Variants in THAP1 observed in about 807,000 individuals in gnomAD.
THAP1 encodes THAP domain containing 1, also known as THAP domain-containing protein 1.
A neutral mutation model predicts 18.2 loss-of-function variants in THAP1; 6 were observed. That is an observed-to-expected ratio of 0.33 (90% confidence interval 0.18 to 0.65). The LOEUF (loss-of-function observed/expected upper bound fraction) is 0.65, where lower values mean the gene tolerates loss of function less well. Ranked by LOEUF, THAP1 falls within the 30% of genes least tolerant of loss-of-function variation. THAP1 has a pLI of 0.74. For missense variants in THAP1, 176 were observed against 253.0 expected (o/e 0.70, Z 2.06); for synonymous variants, 85 against 90.5 (o/e 0.94, Z 0.34).
chr8:42,837,849 G>C lies in THAP1; in HGVS notation c.*113C>G. On this transcript the variant is annotated 3_prime_UTR_variant, in exon 3 of 3. Transcript: ENST00000254250. ...AGAATTTTTTTTAAAAAAATATTCT[G>C]AACTGTTTTTATATAAGTAATCAAA... 8.5e-7 allele frequency: 1 copy of C among 1,174,238 alleles called. No individual in the cohort carries two copies. The highest frequency in any genetic ancestry group is 1.8e-5 in the South Asian group (1 of 56,988). The allele number at this position is 1,174,238 out of a possible 1,614,324, so 72.7% of individuals were successfully genotyped here.
At position 42,837,907 on chromosome 8, in the gene THAP1, C is replaced by G; in HGVS notation, c.*55G>C. The G allele has an allele frequency of 6.3e-7, 1 of 1,582,258 alleles. No homozygotes were observed. The highest frequency in any genetic ancestry group is 8.6e-7 in the Non-Finnish European group (1 of 1,162,060). ...TTTTTAAATGAAACTCCTTTACAGG[C>G]TAGAGGAGGATATGTGGTATTGCCC... On this transcript the variant is annotated 3_prime_UTR_variant, in exon 3 of 3. Transcript: ENST00000254250.
chr8:42,839,456 G>T, intron 1 of THAP1, 75 bp from the exon 2 acceptor site: 2 of 1,450,968 alleles, frequency 1.4e-6, no homozygotes. Flanking sequence ...TTCCAGCTTA[G>T]GAAATATCTT....
At chr8:42,838,711 A>ATAG (rs1159855660) in intron 2 of THAP1, among the ~76,000 whole-genome samples, 4 of 152,154 alleles carry the variant, frequency 2.6e-5, no homozygotes, top group African/African-American at 9.7e-5. Flanking sequence ...ATAAATAATA[A>ATAG]AAGAATCTGT....
intron 2 of THAP1, among the ~76,000 whole-genome samples, chr8:42,838,771 T>C (rs1802662650): frequency 6.6e-6 from 1 of 152,104 alleles, no homozygotes; most frequent in Admixed American, 6.6e-5. Flanking sequence ...TATAGAAACA[T>C]TCCAAAATGA....
At chr8:42,839,698 C>T (rs1453669727) in intron 1 of THAP1, among the ~76,000 whole-genome samples, 1 of 152,168 alleles carries the variant, frequency 6.6e-6, no homozygotes, top group African/African-American at 2.4e-5. Flanking sequence ...AGGCGTGCGC[C>T]ACCACGCCCA....
intron 1 of THAP1, among the ~76,000 whole-genome samples, chr8:42,839,998 A>C (rs1192723635): frequency 6.6e-6 from 1 of 152,172 alleles, no homozygotes; most frequent in African/African-American, 2.4e-5. Flanking sequence ...AGAGTTCGAG[A>C]CTAGCCTGGG....
chr8:42,842,875 C>G, intron 1 of THAP1, 149 bp downstream of exon 1: 7 of 520,374 alleles, frequency 1.3e-5, no homozygotes, highest in Non-Finnish European at 1.8e-5. Context: ...CGGTTCCCAG[C>G]GGGACGCGGT....
intron 1 of THAP1, among the ~76,000 whole-genome samples, chr8:42,841,294 C>CTTTTTTT (rs775435611): frequency 4.2e-4 from 40 of 95,950 alleles, no homozygotes; most frequent in African/African-American, 6.6e-4. Context: ...ACAGTTGTAT[C>CTTTTTTT]TTTTTTTTTT....
rs71521601 is a variant in THAP1, at chr8:42,842,898, A to G, written c.71+126T>C. The G allele has an allele frequency of 0.083, 59,777 of 723,708 alleles. 3,900 individuals are homozygous for G. Among genetic ancestry groups the G allele is most frequent in the African/African-American group, 0.26 (13,316 of 51,244 alleles). The allele number at this position is 723,708 out of a possible 1,614,324, so 44.8% of individuals were successfully genotyped here. On this transcript the variant is annotated intron_variant, in intron 1 of 2. Transcript: ENST00000254250. Reference sequence around the variant, plus strand: ...AGCGGGACGCGGTGGGAAACGCCCGACACGGCCGGCCCCAGACCCCACCCG... The same window carrying G: ...AGCGGGACGCGGTGGGAAACGCCCGGCACGGCCGGCCCCAGACCCCACCCG...
chr8:42,837,976 C>T lies in THAP1; in HGVS notation c.628G>A (p.Glu210Lys). 6.2e-7 allele frequency: 1 copy of T among 1,613,292 alleles called. No individual in the cohort carries two copies. The highest frequency in any genetic ancestry group is 8.5e-7 in the Non-Finnish European group (1 of 1,180,010). ...ATTTCATTTTTTTATGCTGGTACTT[C>T]AACTATTTCAAAGTAGTCATTTGGT... ...ILPNDYFEIV[E>K]VPA The change falls in exon 3 of 3, where the codon GAA (glutamate) becomes AAA (lysine). Residue 210 changes from glutamate (E) to lysine (K), a missense_variant. Physicochemically the swap from Glu to Lys is moderately conservative, Grantham distance 56. Transcript: ENST00000254250.
At position 42,836,767 on chromosome 8, in the gene THAP1, T is replaced by C. The variant is rs1485966126; in HGVS notation, c.*1195A>G. Reference sequence around the variant, plus strand: ...TGAAATATAAAAGTAATAATTATCATTGGAACAGTTATTCTAAATCTAAAA... The same window carrying C: ...TGAAATATAAAAGTAATAATTATCACTGGAACAGTTATTCTAAATCTAAAA... On this transcript the variant is annotated 3_prime_UTR_variant, in exon 3 of 3. Coordinates refer to ENST00000254250, the MANE Select transcript of THAP1 (RefSeq NM_018105.3). 1 of 152,648 alleles carries C rather than the reference T, an allele frequency of 6.6e-6. No individual in the cohort carries two copies. Among genetic ancestry groups the C allele is most frequent in the East Asian group, 1.9e-4 (1 of 5,202 alleles). The allele number at this position is 152,648 out of a possible 1,614,324, so 9.5% of individuals were successfully genotyped here. A position where few individuals can be genotyped will look rare whatever the true frequency, so the allele number is the denominator to read the frequency against.
At position 42,840,708 on chromosome 8, in the gene THAP1, C is replaced by A. The variant is rs544840638; in HGVS notation, c.72-1327G>T. ...GGGCTGGGCATGGCCTGTAATCAGG[C>A]CTGTAATCCCAGCACTTTGGGAGGC... is the stretch of plus-strand genomic sequence containing the variant. On this transcript the variant is annotated intron_variant, in intron 1 of 2. Transcript: ENST00000254250. Among the ~76,000 whole-genome samples, 111 of 152,272 alleles carry A rather than the reference C, an allele frequency of 7.3e-4. 1 individual carries two copies. Among genetic ancestry groups the A allele is most frequent in the African/African-American group, 2.4e-3 (98 of 41,558 alleles).
At chr8:42,839,450 A>G in intron 1 of THAP1, 69 bp from the exon 2 acceptor site, 3 of 1,505,698 alleles carry the variant, frequency 2.0e-6, no homozygotes, top group Non-Finnish European at 2.8e-6. Context: ...CAAACTTTCC[A>G]GCTTAGGAAA....
Position 42,837,705 on chromosome 8 carries a change from A to G in THAP1, c.*257T>C, listed in dbSNP as rs1802640588. On this transcript the variant is annotated 3_prime_UTR_variant, in exon 3 of 3. Transcript: ENST00000254250. ...CTAAAAAAAAACCCCAAAATCCCCA[A>G]TCTTGAAACCAACTTACATTAGAGG... is the stretch of plus-strand genomic sequence containing the variant. The G allele has an allele frequency of 1.2e-5, 3 of 255,226 alleles. No individual in the cohort carries two copies. The Admixed American group carries it at 1.6e-4, about 14-fold the overall frequency. The allele number at this position is 255,226 out of a possible 1,614,324, so 15.8% of individuals were successfully genotyped here. A position where few individuals can be genotyped will look rare whatever the true frequency, so the allele number is the denominator to read the frequency against.
Position 42,843,189 on chromosome 8 carries a change from T to G in THAP1, c.-95A>C. The G allele has an allele frequency of 6.7e-7, 1 of 1,492,674 alleles. No individual in the cohort carries two copies. The highest frequency in any genetic ancestry group is 9.3e-7 in the Non-Finnish European group (1 of 1,074,456). The allele number at this position is 1,492,674 out of a possible 1,614,324, so 92.5% of individuals were successfully genotyped here. ...CGCTCGGTTGGATTCCCTCGCTTCT[T>G]TTGTAGCTTTGGCCAACAGTTACAG... On this transcript the variant is annotated 5_prime_UTR_variant, in exon 1 of 3. Transcript: ENST00000254250.
intron 1 of THAP1, among the ~76,000 whole-genome samples, chr8:42,842,083 T>G (rs376448985): frequency 2.0e-5 from 3 of 152,382 alleles, no homozygotes; most frequent in South Asian, 4.1e-4. Context: ...CTAATCTGTA[T>G]AGTTTACCCC....
rs753670048 is a variant in THAP1, at chr8:42,843,100, C to T, written c.-6G>A. 7 of 1,613,536 alleles carry T rather than the reference C, an allele frequency of 4.3e-6. No homozygotes were observed. Among genetic ancestry groups the T allele is most frequent in the African/African-American group, 1.3e-5 (1 of 74,926 alleles). ...GCGGAGCAGGACTGCACCATCCTTCCGGTCCTCAGGCACTTCACTTCTGCC... is the reference window on the plus strand; with the variant it reads ...GCGGAGCAGGACTGCACCATCCTTCTGGTCCTCAGGCACTTCACTTCTGCC... On this transcript the variant is annotated 5_prime_UTR_variant, in exon 1 of 3. Coordinates refer to ENST00000254250, the MANE Select transcript of THAP1 (RefSeq NM_018105.3).
At position 42,843,284 on chromosome 8, in the gene THAP1, C is replaced by A; in HGVS notation, c.-190G>T. The A allele has an allele frequency of 1.5e-6, 1 of 669,750 alleles. No homozygotes were observed. The allele number at this position is 669,750 out of a possible 1,614,324, so 41.5% of individuals were successfully genotyped here. Reference sequence around the variant, plus strand: ...GTTTGCATTAGCAGAAGGACCACAGCCATCGCCCGTCTCCCATCTCCAAGA... The same window carrying A: ...GTTTGCATTAGCAGAAGGACCACAGACATCGCCCGTCTCCCATCTCCAAGA... On this transcript the variant is annotated 5_prime_UTR_variant, in exon 1 of 3. Transcript: ENST00000254250.
chr8:42,842,768 A>T, intron 1 of THAP1: 1 of 188,058 alleles, frequency 5.3e-6, no homozygotes, highest in Non-Finnish European at 1.1e-5. Flanking sequence ...GAACGCGTCA[A>T]CCCAGGCCGT....
Sources: allele counts gnomAD v4.1 joint callset (sites outside exome capture counted in the v4.1 genomes callset), GRCh38; gene constraint gnomAD v4.1.1; transcripts MANE v1.5; gene names NCBI Gene and HGNC (gene_info 2026-07-23, HGNC 2026-07-21).